Variants in F5 observed in about 807,000 individuals in gnomAD.
The protein encoded by F5 is activated protein c cofactor.
F5 carries 138 observed loss-of-function variants against 216.4 expected under a neutral mutation model. That is an observed-to-expected ratio of 0.64 (90% CI 0.56 to 0.73). The LOEUF is 0.73. Among genes scored for constraint, F5 ranks in the 30% least tolerant of loss-of-function variants. F5 has a pLI of 0.00. For synonymous variants in F5, 916 were observed against 930.7 expected (o/e 0.98, Z 0.29); for missense variants, 2,403 against 2,674.0 (o/e 0.90, Z 2.24).
In F5 at chr1:169,543,127, G is replaced by T. The variant is rs755145120; in HGVS notation, c.1976-13C>A. 1 of 1,610,678 alleles carries T rather than the reference G, an allele frequency of 6.2e-7. No homozygotes were observed. Among genetic ancestry groups the T allele is most frequent in the Non-Finnish European group, 8.5e-7 (1 of 1,178,212 alleles). The stretch of plus-strand genomic sequence containing the variant: ...AACATCCAAGTTCCTACAGAAGAGA[G>T]ACAGACAGAAGAGAGATCTGGAAGT... On this transcript the variant is annotated splice_polypyrimidine_tract_variant and intron_variant, in intron 12 of 24. Transcript: ENST00000367797.
intron 3 of F5, among the ~76,000 whole-genome samples, chr1:169,565,956 G>A (rs1002843907): frequency 6.6e-6 from 1 of 152,076 alleles, no homozygotes; most frequent in Non-Finnish European, 1.5e-5. Context: ...CTTCCTGTAA[G>A]TTATAACATA....
In F5 at chr1:169,512,421, C is replaced by T. The variant is rs920315938; in HGVS notation, c.*1892G>A. ...GAGTAGAGAAGCCCAGGACTAGCTG[C>T]GTAATTTGTGGGGCTCATTGAAAAA... On this transcript the variant is annotated 3_prime_UTR_variant, in exon 25 of 25. Coordinates refer to ENST00000367797, the MANE Select transcript of F5 (RefSeq NM_000130.5). Among the ~76,000 whole-genome samples the T allele has an allele frequency of 3.9e-5, 6 of 151,916 alleles. No individual in the cohort carries two copies. Among genetic ancestry groups the T allele is most frequent in the Non-Finnish European group, 7.4e-5 (5 of 67,956 alleles).
intron 1 of F5, among the ~76,000 whole-genome samples, chr1:169,584,480 A>G (rs553588187): frequency 6.6e-6 from 1 of 152,344 alleles, no homozygotes; most frequent in African/African-American, 2.4e-5. Context: ...TTCTAAGGAA[A>G]TTTTTGAAAG....
At chr1:169,522,181 T>A (rs1178370605) in intron 21 of F5, among the ~76,000 whole-genome samples, 1 of 152,102 alleles carries the variant, frequency 6.6e-6, no homozygotes, top group South Asian at 2.1e-4. Context: ...GAACATAGGA[T>A]CTGTAATTTA....
rs1421986452 is a variant in F5, at chr1:169,523,298, G to T, written c.5947C>A (p.His1983Asn). ...GTGGTATAGCAGGACTTCAGGTAGTGTTTGGCACCTTGGGTCTGGATCCCT... is the reference window on the plus strand; with the variant it reads ...GTGGTATAGCAGGACTTCAGGTAGTTTTTGGCACCTTGGGTCTGGATCCCT... Reference protein sequence around the residue: ...ITGIQTQGAKHYLKSCYTTEF... With the variant: ...ITGIQTQGAKNYLKSCYTTEF... Residue 1983 changes from histidine (H) to asparagine (N), a missense_variant, in exon 21 of 25, where the codon CAC becomes AAC. Physicochemically the swap from His to Asn is moderately conservative, Grantham distance 68. Transcript: ENST00000367797. 6.2e-7 allele frequency: 1 copy of T among 1,613,956 alleles called. No homozygotes were observed. The highest frequency in any genetic ancestry group is 8.5e-7 in the Non-Finnish European group (1 of 1,179,988).
intron 3 of F5, among the ~76,000 whole-genome samples, chr1:169,571,384 G>C (rs1416222274): frequency 6.6e-6 from 1 of 152,078 alleles, no homozygotes; most frequent in Non-Finnish European, 1.5e-5. Context: ...TCTTATGGGT[G>C]GTTATAATCA....
rs567404075 is a variant in F5, at chr1:169,513,113, C to G, written c.*1200G>C. On this transcript the variant is annotated 3_prime_UTR_variant, in exon 25 of 25. Coordinates refer to ENST00000367797, the MANE Select transcript of F5 (RefSeq NM_000130.5). ...TTAGTCCTCAGTTCTAATTTGATTT[C>G]TCTGTGGTCTGAGAGATTGTTATGA... 4.0e-5 allele frequency among the ~76,000 whole-genome samples: 6 copies of G among 151,892 alleles called. No individual in the cohort carries two copies. The South Asian group carries it at 1.2e-3, about 32-fold the overall frequency.
chr1:169,517,458 C>A (rs563038306), intron 23 of F5, among the ~76,000 whole-genome samples: 1 of 151,954 alleles, frequency 6.6e-6, no homozygotes. Flanking sequence ...AAGGATAGGC[C>A]CTGGAATTCT....
rs779750353 is a variant in F5, at chr1:169,530,788, G to T, written c.5206C>A (p.Pro1736Thr). The T allele has an allele frequency of 5.0e-6, 8 of 1,613,444 alleles. No homozygotes were observed. The East Asian group carries it at 1.8e-4, about 36-fold the overall frequency. ...RAWAYYSAVN[P>T]EKDIHSGLIG... Reference sequence around the variant, plus strand: ...AAACTTTCAATGAAAGTACCTACTGGGTTCACAGCTGAGTAGTAGGCCCAA... The same window carrying T: ...AAACTTTCAATGAAAGTACCTACTGTGTTCACAGCTGAGTAGTAGGCCCAA... Residue 1736 changes from proline (P) to threonine (T), a missense_variant and splice_region_variant, in exon 15 of 25, where the codon CCA (proline) becomes ACA (threonine). Around this residue, in one of 4 missense-constraint regions of F5, gnomAD observed 659 missense variants for 787.9 expected, o/e 0.84. Transcript: ENST00000367797.
At position 169,518,456 on chromosome 1, in the gene F5, C is replaced by A; in HGVS notation, c.6301G>T (p.Ala2101Ser). 6.2e-7 allele frequency: 1 copy of A among 1,613,828 alleles called. No homozygotes were observed. Among genetic ancestry groups the A allele is most frequent in the Non-Finnish European group, 8.5e-7 (1 of 1,179,814 alleles). The part of the protein sequence containing the change: ...WWGDYWEPFR[A>S]RLNAQGRVNA... Reference sequence around the variant, plus strand: ...ACACGTCCCTGGGCATTCAGACGGGCACGGAAGGGTTCCCAGTAATCTCCC... The same window carrying A: ...ACACGTCCCTGGGCATTCAGACGGGAACGGAAGGGTTCCCAGTAATCTCCC... Residue 2101 changes from alanine to serine, a missense_variant, in exon 23 of 25, where the codon GCC becomes TCC. Physicochemically the swap from Ala to Ser is moderately conservative, Grantham distance 99 (BLOSUM62 1). Around this residue, in one of 4 missense-constraint regions of F5, gnomAD observed 659 missense variants for 787.9 expected, o/e 0.84. Transcript: ENST00000367797.
At chr1:169,548,574 A>C (rs1660071009) in intron 10 of F5, among the ~76,000 whole-genome samples, 4 of 152,156 alleles carry the variant, frequency 2.6e-5, no homozygotes, top group African/African-American at 9.7e-5. Flanking sequence ...AGAGATTAAA[A>C]TATCCCAAAA....
At chr1:169,581,775 A>C (rs1406359000) in intron 2 of F5, among the ~76,000 whole-genome samples, 1 of 152,216 alleles carries the variant, frequency 6.6e-6, no homozygotes, top group Non-Finnish European at 1.5e-5. Flanking sequence ...AAAGGAAGAG[A>C]TGAGGAAAAA....
At chr1:169,546,670 A>G (rs1660010254) in intron 10 of F5, 78 bp from the exon 11 acceptor site, 1 of 1,271,592 alleles carries the variant, frequency 7.9e-7, no homozygotes, top group Non-Finnish European at 1.1e-6. Flanking sequence ...ACTCAGAAAT[A>G]AGGCTGCGCA....
At position 169,559,197 on chromosome 1, in the gene F5, G is replaced by A. The variant is rs994246551; in HGVS notation, c.686C>T (p.Ser229Phe). The A allele has an allele frequency of 1.2e-6, 2 of 1,613,828 alleles. No homozygotes were observed. Among genetic ancestry groups the A allele is most frequent in the Non-Finnish European group, 1.7e-6 (2 of 1,179,804 alleles). Residue 229 changes from serine (S) to phenylalanine (F), a missense_variant, in exon 5 of 25, where the codon TCC becomes TTC. Around this residue, in one of 4 missense-constraint regions of F5, gnomAD observed 1,425 missense variants for 1,554.8 expected, o/e 0.92. Coordinates refer to ENST00000367797, the MANE Select transcript of F5 (RefSeq NM_000130.5). ...DESKSWSQSS[S>F]LMYTVNGYVN... is the part of the protein sequence containing the mutation. ...ATATCCATTGACTGTGTACATTAGGGATGATGACTGGCTCCAGCTCTTGCT... is the reference window on the plus strand; with the variant it reads ...ATATCCATTGACTGTGTACATTAGGAATGATGACTGGCTCCAGCTCTTGCT...
At chr1:169,567,306 C>T (rs998738003) in intron 3 of F5, among the ~76,000 whole-genome samples, 12 of 151,836 alleles carry the variant, frequency 7.9e-5, no homozygotes, top group African/African-American at 2.2e-4. Flanking sequence ...GTGGGTGCAG[C>T]GCACCAGCAT....
At position 169,520,675 on chromosome 1, in the gene F5, A is replaced by G; in HGVS notation, c.6049-11T>C. The G allele has an allele frequency of 2.5e-6, 4 of 1,611,582 alleles. No individual in the cohort carries two copies. The highest frequency in any genetic ancestry group is 3.4e-6 in the Non-Finnish European group (4 of 1,178,002). On this transcript the variant is annotated splice_polypyrimidine_tract_variant and intron_variant, in intron 21 of 24. Coordinates refer to ENST00000367797, the MANE Select transcript of F5 (RefSeq NM_000130.5). The stretch of plus-strand genomic sequence containing the variant: ...ATTGCCATTAAAATACTAGAAGAAA[A>G]GAGGAAAGTTTAGTTATGTAACAAT...
At chr1:169,534,026 T>C (rs1428864800) in intron 14 of F5, among the ~76,000 whole-genome samples, 1 of 152,198 alleles carries the variant, frequency 6.6e-6, no homozygotes, top group African/African-American at 2.4e-5. Context: ...TAATCGGTTA[T>C]GTTATCTATA....
intron 14 of F5, 114 bp from the exon 15 acceptor site, chr1:169,531,136 G>A: frequency 1.3e-6 from 1 of 779,466 alleles, no homozygotes; most frequent in East Asian, 2.6e-5. Context: ...TAAGATATAA[G>A]GTACAAAATA....
At chr1:169,549,731 G>A in intron 10 of F5, 70 bp downstream of exon 10, 1 of 1,142,536 alleles carries the variant, frequency 8.8e-7, no homozygotes, top group South Asian at 1.3e-5. Flanking sequence ...TATTTAGCCA[G>A]GAGACCTAAC....
Sources: gnomAD v4.1 joint callset for allele counts (sites outside exome capture counted in the v4.1 genomes callset) on GRCh38, gnomAD v4.1.1 for gene constraint, gnomAD v4.1.1 regional missense constraint, MANE v1.5 for transcripts, NCBI Gene and HGNC (gene_info 2026-07-23, HGNC 2026-07-21) for gene names.